Variants in SRGAP2B observed in about 807,000 individuals in gnomAD.
The protein encoded by SRGAP2B is SLIT-ROBO Rho GTPase-activating protein 2B.
A neutral mutation model predicts 22.2 loss-of-function variants in SRGAP2B; 9 were observed. The ratio of observed to expected loss-of-function variants is 0.41; its 90% CI spans 0.24 to 0.71. SRGAP2B has a LOEUF of 0.71. SRGAP2B is among the 30% of genes least tolerant of loss of function. The pLI is 0.35. For missense variants in SRGAP2B, 114 were observed against 235.8 expected, an observed-to-expected ratio of 0.48 and a Z score of 3.38; for synonymous variants, 36 against 87.4, an observed-to-expected ratio of 0.41 and a Z score of 3.28.
chr1:144,986,508 G>C (rs1271746986), intron 3 of SRGAP2B, among the ~76,000 whole-genome samples: 2 of 148,892 alleles, frequency 1.3e-5, no homozygotes, highest in Non-Finnish European at 3.0e-5. Context: ...AGGAAACCAA[G>C]AGCACTTTCT....
chr1:144,916,096 A>G (rs1553603843), intron 4 of SRGAP2B, among the ~76,000 whole-genome samples: 2 of 150,354 alleles, frequency 1.3e-5, no homozygotes, highest in Non-Finnish European at 2.9e-5. Flanking sequence ...TTCTGATTAC[A>G]AAAGTAATGT....
intron 3 of SRGAP2B, among the ~76,000 whole-genome samples, chr1:144,956,619 T>C (rs1188524007): frequency 1.4e-5 from 2 of 143,460 alleles, no homozygotes; most frequent in Non-Finnish European, 3.0e-5. Flanking sequence ...AGCTAACTTT[T>C]GTATTTTTAG....
At chr1:144,995,029 C>T (rs1553618200) in exon 3 of SRGAP2B, 3 of 1,543,664 alleles carry the variant, frequency 1.9e-6, no homozygotes, top group East Asian at 2.5e-5. Context: ...GTCCTTGGTG[C>T]TGCATGTCTT....
intron 3 of SRGAP2B, among the ~76,000 whole-genome samples, chr1:144,970,198 G>A (rs1406075604): frequency 3.6e-5 from 5 of 140,354 alleles, no homozygotes; most frequent in Admixed American, 7.1e-5. Context: ...ACATGCACAC[G>A]TATGTTTATT....
chr1:144,969,801 A>G (rs1224756696), intron 3 of SRGAP2B, among the ~76,000 whole-genome samples: 15 of 151,000 alleles, frequency 9.9e-5, no homozygotes, highest in African/African-American at 3.2e-4. Flanking sequence ...TTTACAAGAA[A>G]AAAAACAAAC....
intron 2 of SRGAP2B, among the ~76,000 whole-genome samples, chr1:145,080,806 C>T (rs1462510195): frequency 2.7e-5 from 4 of 149,648 alleles, no homozygotes; most frequent in African/African-American, 1.0e-4. Flanking sequence ...CCGCCTGCCT[C>T]GGCCTCCCAA....
intron 2 of SRGAP2B, among the ~76,000 whole-genome samples, chr1:145,044,978 CT>C (rs1259531526): frequency 1.3e-5 from 2 of 150,330 alleles, no homozygotes; most frequent in African/African-American, 4.9e-5. Context: ...AGCTCAGAAA[CT>C]ACAAAAGGGC....
intron 2 of SRGAP2B, among the ~76,000 whole-genome samples, chr1:145,045,063 C>CA (rs1185769321): frequency 5.1e-4 from 62 of 122,232 alleles, no homozygotes; most frequent in East Asian, 3.7e-3. Flanking sequence ...TAATTTAAAA[C>CA]AAAAAAAAAA....
intron 5 of SRGAP2B, among the ~76,000 whole-genome samples, chr1:144,909,586 CAAAAAA>C (rs1298848761): frequency 0.23 from 27,355 of 121,184 alleles, 11 homozygotes; most frequent in Non-Finnish European, 0.26. Context: ...GACTCCATCT[CAAAAAA>C]AAAAAAAAGG....
intron 4 of SRGAP2B, among the ~76,000 whole-genome samples, chr1:144,937,573 CATT>C (rs1194986329): frequency 1.6e-5 from 2 of 123,966 alleles, no homozygotes; most frequent in East Asian, 2.1e-4. Context: ...TAGAACTCAT[CATT>C]GAGTCTTCTT....
chr1:144,902,807 T>C (rs1329447717), intron 7 of SRGAP2B, among the ~76,000 whole-genome samples: 2 of 120,846 alleles, frequency 1.7e-5, no homozygotes, highest in Non-Finnish European at 3.4e-5. Context: ...TTACTACCTA[T>C]GTAGCCTTTT....
At chr1:145,013,382 GTCA>G (rs1553622579) in intron 2 of SRGAP2B, among the ~76,000 whole-genome samples, 1 of 149,144 alleles carries the variant, frequency 6.7e-6, no homozygotes, top group African/African-American at 2.6e-5. Flanking sequence ...CATTCCCTGT[GTCA>G]CTGATAAGTG....
chr1:144,904,698 CAAA>C (rs1192600476), intron 7 of SRGAP2B, among the ~76,000 whole-genome samples: 46 of 16,886 alleles, frequency 2.7e-3, no homozygotes, highest in African/African-American at 0.025. Context: ...GACTCTATCT[CAAA>C]AAAAAAAAAA....
chr1:144,984,376 A>C lies in SRGAP2B; in HGVS notation c.260+10632T>G, dbSNP rs1432382419. 1.3e-4 allele frequency among the ~76,000 whole-genome samples: 19 copies of C among 149,100 alleles called. 2 individuals are homozygous for C. Among genetic ancestry groups the C allele is most frequent in the African/African-American group, 4.6e-4 (18 of 39,444 alleles). On this transcript the variant is annotated intron_variant, in intron 3 of 9. Coordinates refer to ENST00000612199, the Ensembl canonical transcript of SRGAP2B. ...AACAACAACAACAACAAAAAAAAAA[A>C]AACAAAAAAGCCCCTCTCTATTTCT...
intron 2 of SRGAP2B, among the ~76,000 whole-genome samples, chr1:145,090,046 T>C (rs1220907501): frequency 6.8e-6 from 1 of 146,580 alleles, no homozygotes; most frequent in Admixed American, 6.6e-5. Context: ...AAATTGCACT[T>C]AACAACCAAA....
chr1:144,984,365 C>CAACAACAACA (rs1491147391), intron 3 of SRGAP2B, among the ~76,000 whole-genome samples: 1 of 126,426 alleles, frequency 7.9e-6, no homozygotes, highest in Non-Finnish European at 1.6e-5. Context: ...ACAACAACAA[C>CAACAACAACA]AAAAAAAAAA....
At position 144,994,567 on chromosome 1, in the gene SRGAP2B, TGAGAGAGAGAGAGAGA is replaced by T. The variant is rs56165682; in HGVS notation, c.260+425_260+440del. ...GTGAGTGTGAGTGTGTGTGTGTGTG[TGAGAGAGAGAGAGAGA>T]GAGAGAGAGAGAGAGAGAGAGAGAG... On this transcript the variant is annotated intron_variant, in intron 3 of 9. Transcript: ENST00000612199. Among the ~76,000 whole-genome samples, 61 of 122,482 alleles carry T rather than the reference TGAGAGAGAGAGAGAGA, an allele frequency of 5.0e-4. No individual in the cohort carries two copies. In the Middle Eastern group the frequency reaches 0.016, roughly 32 times the overall value. The allele number at this position is 122,482 out of a possible 152,430, so 80.4% of individuals were successfully genotyped here.
chr1:145,015,163 G>A (rs1310397071), intron 2 of SRGAP2B, among the ~76,000 whole-genome samples: 1 of 123,196 alleles, frequency 8.1e-6, no homozygotes, highest in African/African-American at 3.3e-5. Flanking sequence ...TGCGGCCTCT[G>A]CCTCCTGGGT....
In SRGAP2B at chr1:144,994,567, TGAGAGAGAGA is replaced by T. The variant is rs56165682; in HGVS notation, c.260+431_260+440del. Among the ~76,000 whole-genome samples, 700 of 122,478 alleles carry T rather than the reference TGAGAGAGAGA, an allele frequency of 5.7e-3. 14 individuals carry two copies. The highest frequency in any genetic ancestry group is 0.01 in the Admixed American group (128 of 12,274). The allele number at this position is 122,478 out of a possible 152,430, so 80.4% of individuals were successfully genotyped here. ...GTGAGTGTGAGTGTGTGTGTGTGTG[TGAGAGAGAGA>T]GAGAGAGAGAGAGAGAGAGAGAGAG... On this transcript the variant is annotated intron_variant, in intron 3 of 9. Coordinates refer to ENST00000612199, the Ensembl canonical transcript of SRGAP2B.
Sources: allele counts gnomAD v4.1 joint callset (sites outside exome capture counted in the v4.1 genomes callset), GRCh38; gene constraint gnomAD v4.1.1; transcripts MANE v1.5; gene names NCBI Gene and HGNC (gene_info 2026-07-23, HGNC 2026-07-21).